ADCY9: variants seen among roughly 807,000 people sequenced by gnomAD.
ADCY9 encodes adenylate cyclase type 9.
ADCY9 carries 50 observed loss-of-function variants against 101.5 expected under a neutral mutation model. That is an observed-to-expected ratio of 0.49 (90% CI 0.39 to 0.62). The LOEUF (loss-of-function observed/expected upper bound fraction) is 0.62. Among genes scored for constraint, ADCY9 ranks in the 20% least tolerant of loss-of-function variants. The pLI is 0.00. For synonymous variants in ADCY9, 905 were observed against 769.3 expected, an observed-to-expected ratio of 1.18 and a Z score of -2.92; for missense variants, 1,662 against 1,800.4, an observed-to-expected ratio of 0.92 and a Z score of 1.39.
chr16:4,081,505 C>A (rs1022380323), intron 2 of ADCY9, among the ~76,000 whole-genome samples: 1 of 152,244 alleles, frequency 6.6e-6, no homozygotes, highest in Non-Finnish European at 1.5e-5. Context: ...ATCTAAGACT[C>A]TTAACAGGTG....
At chr16:4,101,724 TTACAGTAGGA>T (rs2057044601) in intron 2 of ADCY9, among the ~76,000 whole-genome samples, 1 of 152,106 alleles carries the variant, frequency 6.6e-6, no homozygotes, top group Non-Finnish European at 1.5e-5. Context: ...ACAAATGAGT[TTACAGTAGGA>T]TACAGTACAG....
At chr16:4,060,896 G>C (rs191416821) in intron 2 of ADCY9, among the ~76,000 whole-genome samples, 1 of 152,252 alleles carries the variant, frequency 6.6e-6, no homozygotes, top group African/African-American at 2.4e-5. Flanking sequence ...CCAGATATTG[G>C]ACTTAACAAA....
chr16:3,971,498 C>A (rs964842429), intron 10 of ADCY9, among the ~76,000 whole-genome samples: 1 of 152,208 alleles, frequency 6.6e-6, no homozygotes, highest in Non-Finnish European at 1.5e-5. Context: ...TTCACTGACT[C>A]ATTTCGTGAA....
At chr16:3,968,175 T>G (rs973966714) in intron 10 of ADCY9, among the ~76,000 whole-genome samples, 2 of 151,086 alleles carry the variant, frequency 1.3e-5, no homozygotes, top group African/African-American at 4.9e-5. Flanking sequence ...TGAGACGGAG[T>G]TTTGCTCTTG....
At chr16:4,084,348 G>A (rs1267983773) in intron 2 of ADCY9, among the ~76,000 whole-genome samples, 1 of 152,014 alleles carries the variant, frequency 6.6e-6, no homozygotes, top group Non-Finnish European at 1.5e-5. Flanking sequence ...CTGACCTCAA[G>A]TGATCTGCCT....
chr16:3,993,002 C>T (rs1418800373), intron 4 of ADCY9, among the ~76,000 whole-genome samples: 1 of 152,102 alleles, frequency 6.6e-6, no homozygotes, highest in Non-Finnish European at 1.5e-5. Flanking sequence ...GAAAGCCTTC[C>T]TGCCACCGGC....
intron 2 of ADCY9, among the ~76,000 whole-genome samples, chr16:4,020,306 C>T (rs893060339): frequency 3.9e-5 from 6 of 152,114 alleles, no homozygotes; most frequent in African/African-American, 1.4e-4. Context: ...GATCCACATC[C>T]TTCCTTATTG....
intron 2 of ADCY9, among the ~76,000 whole-genome samples, chr16:4,024,263 C>T (rs945467938): frequency 2.0e-5 from 3 of 152,030 alleles, no homozygotes; most frequent in South Asian, 4.2e-4. Context: ...CCTCATGATC[C>T]GGCCACCTCA....
Position 3,983,391 on chromosome 16 carries a change from G to A in ADCY9, c.2360C>T (p.Ser787Phe), listed in dbSNP as rs922260415. The change falls in exon 7 of 11, where the codon TCC becomes TTC. Residue 787 changes from serine to phenylalanine, a missense_variant. Ser to Phe is a radical substitution (Grantham distance 155, BLOSUM62 -2). This residue lies in a region of ADCY9 where 624 missense variants were observed against 639.1 expected (regional missense o/e 0.98). Coordinates refer to ENST00000294016, the MANE Select transcript of ADCY9 (RefSeq NM_001116.4). Reference protein sequence around the residue: ...VKTFASPTFSSLLDVFLSTTV... With the variant: ...VKTFASPTFSFLLDVFLSTTV... The stretch of plus-strand genomic sequence containing the variant: ...GGTCGACAGAAACACATCCAGGAGG[G>A]AGCTGAAGGTGGGACTAGCAAACGT... 2.5e-6 allele frequency: 4 copies of A among 1,608,394 alleles called. No homozygotes were observed. In the African/African-American group the frequency reaches 4.0e-5, roughly 16 times the overall value.
At chr16:4,051,627 T>C (rs903272034) in intron 2 of ADCY9, among the ~76,000 whole-genome samples, 1 of 151,676 alleles carries the variant, frequency 6.6e-6, no homozygotes, top group African/African-American at 2.4e-5. Context: ...TTTGGCCAAA[T>C]CTGGGACAAT....
At chr16:4,033,430 T>C (rs1320663494) in intron 2 of ADCY9, among the ~76,000 whole-genome samples, 2 of 117,020 alleles carry the variant, frequency 1.7e-5, no homozygotes, top group East Asian at 5.5e-4. Context: ...CTCCTTGAAG[T>C]AATTTTTTTT....
At position 3,999,018 on chromosome 16, in the gene ADCY9, C is replaced by A. The variant is rs147853157; in HGVS notation, c.1885-5508G>T. 9.9e-3 allele frequency among the ~76,000 whole-genome samples: 1,513 copies of A among 152,150 alleles called. 25 individuals carry two copies. Among genetic ancestry groups the A allele is most frequent in the African/African-American group, 0.031 (1,280 of 41,486 alleles). On this transcript the variant is annotated intron_variant, in intron 3 of 10. Coordinates refer to ENST00000294016, the MANE Select transcript of ADCY9 (RefSeq NM_001116.4). ...TAATCTGGATTAAGACATTTCACAA[C>A]ATGTTTTTTGCCAAGTACAGATGCC...
chr16:4,086,358 C>T (rs1027281557), intron 2 of ADCY9, among the ~76,000 whole-genome samples: 1 of 152,062 alleles, frequency 6.6e-6, no homozygotes, highest in African/African-American at 2.4e-5. Flanking sequence ...CAGCCCGAGC[C>T]CTGAGATCGG....
chr16:3,966,989 A>G (rs752848115), intron 10 of ADCY9, 23 bp from the exon 11 acceptor site: 1 of 1,591,014 alleles, frequency 6.3e-7, no homozygotes, highest in African/African-American at 1.3e-5. Context: ...GACACGGGAA[A>G]GGGAGAGGTT....
intron 3 of ADCY9, among the ~76,000 whole-genome samples, chr16:3,996,373 TATATGTATAA>T (rs892623738): frequency 6.6e-6 from 1 of 152,166 alleles, no homozygotes; most frequent in Non-Finnish European, 1.5e-5. Context: ...AATACATATA[TATATGTATAA>T]ATATGTATAT....
chr16:3,972,513 G>C (rs1038462590), intron 10 of ADCY9, among the ~76,000 whole-genome samples: 1 of 152,250 alleles, frequency 6.6e-6, no homozygotes, highest in East Asian at 1.9e-4. Flanking sequence ...GATTACAGGC[G>C]TGAGCCACCA....
intron 5 of ADCY9, among the ~76,000 whole-genome samples, chr16:3,990,579 A>C (rs2056236354): frequency 6.6e-6 from 1 of 152,040 alleles, no homozygotes; most frequent in African/African-American, 2.4e-5. Flanking sequence ...CACGGCGGAC[A>C]CTCTCCTTTC....
At position 3,965,300 on chromosome 16, in the gene ADCY9, G is replaced by T. The variant is rs567635211; in HGVS notation, c.*475C>A. 68 of 175,518 alleles carry T rather than the reference G, an allele frequency of 3.9e-4. No homozygotes were observed. Among genetic ancestry groups the T allele is most frequent in the African/African-American group, 1.4e-3 (59 of 41,950 alleles). The allele number at this position is 175,518 out of a possible 1,614,324, so 10.9% of individuals were successfully genotyped here. Reference sequence around the variant, plus strand: ...TGCGCATGTGTGCTTACATAGAGAGGTCGGGTCGTAGAGGAACACTGTGAC... The same window carrying T: ...TGCGCATGTGTGCTTACATAGAGAGTTCGGGTCGTAGAGGAACACTGTGAC... On this transcript the variant is annotated 3_prime_UTR_variant, in exon 11 of 11. Transcript: ENST00000294016.
At chr16:4,084,485 G>A (rs1169211319) in intron 2 of ADCY9, among the ~76,000 whole-genome samples, 1 of 152,030 alleles carries the variant, frequency 6.6e-6, no homozygotes, top group Non-Finnish European at 1.5e-5. Flanking sequence ...CAACACTCTG[G>A]GAGGCCAAGG....
Sources: allele counts gnomAD v4.1 joint callset (sites outside exome capture counted in the v4.1 genomes callset), GRCh38; gene constraint gnomAD v4.1.1; regional missense constraint gnomAD v4.1.1; transcripts MANE v1.5; gene names NCBI Gene and HGNC (gene_info 2026-07-23, HGNC 2026-07-21).